SORCS1: variants seen among roughly 807,000 people sequenced by gnomAD.
SORCS1 encodes VPS10 domain-containing receptor SorCS1.
Under a neutral mutation model 146.1 loss-of-function variants are expected in SORCS1, and 60 were observed. The ratio of observed to expected loss-of-function variants is 0.41; its 90% CI spans 0.33 to 0.51. The LOEUF is 0.51. SORCS1 is among the 20% of genes least tolerant of loss of function. The pLI, the probability that SORCS1 is intolerant of heterozygous loss-of-function variation, is 0.21. For missense variants in SORCS1, 1,352 were observed against 1,487.6 expected (o/e 0.91, Z 1.50); for synonymous variants, 637 against 584.0 (o/e 1.09, Z -1.31).
At chr10:106,775,811 C>T (rs1195963006) in intron 4 of SORCS1, among the ~76,000 whole-genome samples, 1 of 152,140 alleles carries the variant, frequency 6.6e-6, no homozygotes, top group Non-Finnish European at 1.5e-5. Flanking sequence ...ATTTTATTAG[C>T]TATTGCTAGC....
chr10:106,801,232 A>G (rs903154761), intron 3 of SORCS1, among the ~76,000 whole-genome samples: 2 of 152,222 alleles, frequency 1.3e-5, no homozygotes, highest in African/African-American at 4.8e-5. Context: ...ATTTTAAGGA[A>G]AGCAGGAAGG....
intron 1 of SORCS1, among the ~76,000 whole-genome samples, chr10:107,046,386 A>G (rs930772737): frequency 1.3e-5 from 2 of 152,136 alleles, no homozygotes; most frequent in African/African-American, 2.4e-5. Flanking sequence ...TAATATGTTT[A>G]TTGATAAATA....
At chr10:107,134,625 C>T (rs923567035) in intron 1 of SORCS1, among the ~76,000 whole-genome samples, 10 of 151,342 alleles carry the variant, frequency 6.6e-5, no homozygotes, top group African/African-American at 1.9e-4. Flanking sequence ...GGCATCAGAC[C>T]GAGACTCCAT....
At chr10:106,793,177 T>C (rs531607535) in intron 3 of SORCS1, among the ~76,000 whole-genome samples, 3 of 152,018 alleles carry the variant, frequency 2.0e-5, no homozygotes, top group African/African-American at 7.2e-5. Flanking sequence ...GGAAAAGCAC[T>C]TTTTTTTCCT....
intron 3 of SORCS1, among the ~76,000 whole-genome samples, chr10:106,824,049 AT>A (rs1236483447): frequency 2.6e-5 from 4 of 152,184 alleles, no homozygotes; most frequent in African/African-American, 9.7e-5. Flanking sequence ...CATGCTTGTA[AT>A]CCCAGCACTT....
intron 2 of SORCS1, among the ~76,000 whole-genome samples, chr10:106,862,245 T>A (rs945428374): frequency 1.3e-5 from 2 of 152,176 alleles, no homozygotes; most frequent in African/African-American, 2.4e-5. Flanking sequence ...ACATTCAGGG[T>A]CAGAGTGTCA....
At chr10:106,637,227 A>G (rs1198699343) in intron 18 of SORCS1, among the ~76,000 whole-genome samples, 1 of 152,218 alleles carries the variant, frequency 6.6e-6, no homozygotes, top group African/African-American at 2.4e-5. Flanking sequence ...CACATGCCCT[A>G]TCTTCTGTTC....
At chr10:107,154,996 C>T (rs368030598) in intron 1 of SORCS1, among the ~76,000 whole-genome samples, 31 of 152,186 alleles carry the variant, frequency 2.0e-4, no homozygotes, top group East Asian at 1.7e-3. Context: ...ATAGTAGAGT[C>T]GGCAATTAAC....
intron 2 of SORCS1, among the ~76,000 whole-genome samples, chr10:106,849,405 G>A (rs11193072): frequency 7.1e-6 from 1 of 141,676 alleles, no homozygotes; most frequent in Non-Finnish European, 1.6e-5. Context: ...GCATTCTTCA[G>A]GTAGTTCTTG....
intron 3 of SORCS1, among the ~76,000 whole-genome samples, chr10:106,823,121 G>T (rs1477028138): frequency 6.6e-6 from 1 of 152,096 alleles, no homozygotes; most frequent in Non-Finnish European, 1.5e-5. Context: ...TTGTTAAAAA[G>T]ATTAGAGGCA....
intron 3 of SORCS1, among the ~76,000 whole-genome samples, chr10:106,818,053 C>A (rs565020561): frequency 6.6e-6 from 1 of 152,328 alleles, no homozygotes; most frequent in South Asian, 2.1e-4. Context: ...AAGCGAGGTT[C>A]ATGTTTCTTT....
intron 19 of SORCS1, among the ~76,000 whole-genome samples, chr10:106,624,961 C>T (rs1401469402): frequency 6.6e-6 from 1 of 152,214 alleles, no homozygotes; most frequent in African/African-American, 2.4e-5. Context: ...AGGCCCCCAG[C>T]TGGCTGGCTG....
At chr10:106,943,574 G>A (rs771869845) in intron 2 of SORCS1, among the ~76,000 whole-genome samples, 7 of 152,176 alleles carry the variant, frequency 4.6e-5, no homozygotes, top group South Asian at 2.1e-4. Flanking sequence ...TTGGGAGGCC[G>A]AGGTGGCCGG....
At chr10:107,098,541 C>T (rs916995349) in intron 1 of SORCS1, among the ~76,000 whole-genome samples, 17 of 152,200 alleles carry the variant, frequency 1.1e-4, no homozygotes, top group Non-Finnish European at 4.4e-5. Flanking sequence ...GTCAGGAATG[C>T]ATATCAAATT....
At chr10:106,981,500 T>G (rs2139350202) in intron 1 of SORCS1, among the ~76,000 whole-genome samples, 1 of 152,344 alleles carries the variant, frequency 6.6e-6, no homozygotes, top group South Asian at 2.1e-4. Flanking sequence ...TTCATTTATT[T>G]AACTCTAGGT....
intron 1 of SORCS1, among the ~76,000 whole-genome samples, chr10:106,993,327 A>G (rs1956851497): frequency 6.6e-6 from 1 of 152,226 alleles, no homozygotes; most frequent in African/African-American, 2.4e-5. Context: ...ACAAAGCTGC[A>G]CTGGTGGTTT....
intron 2 of SORCS1, among the ~76,000 whole-genome samples, chr10:106,951,023 C>A (rs964307766): frequency 6.6e-6 from 1 of 152,086 alleles, no homozygotes; most frequent in Admixed American, 6.6e-5. Flanking sequence ...AAAGAAGCAA[C>A]ACTTATCTCA....
chr10:106,737,863 G>C (rs1358515942), intron 5 of SORCS1, among the ~76,000 whole-genome samples: 3 of 152,122 alleles, frequency 2.0e-5, no homozygotes, highest in Non-Finnish European at 4.4e-5. Context: ...TAAGGTAAAG[G>C]AAAAGCTTAA....
chr10:107,085,364 A>T (rs928229171), intron 1 of SORCS1, among the ~76,000 whole-genome samples: 2 of 152,192 alleles, frequency 1.3e-5, no homozygotes, highest in Admixed American at 6.5e-5. Context: ...GCTCTCCTCA[A>T]ATTGGGGTGA....
Sources: gnomAD v4.1 joint callset for allele counts (sites outside exome capture counted in the v4.1 genomes callset) on GRCh38, gnomAD v4.1.1 for gene constraint, MANE v1.5 for transcripts, NCBI Gene and HGNC (gene_info 2026-07-23, HGNC 2026-07-21) for gene names.